Variants in CSMD1 observed in about 807,000 individuals in gnomAD.
The protein encoded by CSMD1 is CUB and sushi domain-containing protein 1.
Under a neutral mutation model 417.5 loss-of-function variants are expected in CSMD1, and 213 were observed. The observed-to-expected ratio is 0.51, with a 90% CI of 0.46 to 0.57. The LOEUF (loss-of-function observed/expected upper bound fraction) is 0.57, where lower values mean the gene tolerates loss of function less well. CSMD1 is among the 20% of genes least tolerant of loss of function. The pLI is 0.00. For missense variants in CSMD1, 6,923 were observed against 4,529.7 expected (o/e 1.53, Z -15.17); for synonymous variants, 2,862 against 1,736.8 (o/e 1.65, Z -16.11).
intron 2 of CSMD1, among the ~76,000 whole-genome samples, chr8:4,423,499 C>G (rs1043777315): frequency 6.6e-6 from 1 of 151,806 alleles, no homozygotes; most frequent in African/African-American, 2.4e-5. Flanking sequence ...ATAAGATAAG[C>G]CCAACAGTGT....
intron 23 of CSMD1, among the ~76,000 whole-genome samples, chr8:3,333,246 C>T (rs1369440945): frequency 6.6e-6 from 1 of 152,184 alleles, no homozygotes. Context: ...CCCAGCCAAG[C>T]CGTGTCTGGG....
chr8:3,848,938 G>A (rs1010851630), intron 5 of CSMD1, among the ~76,000 whole-genome samples: 2 of 150,278 alleles, frequency 1.3e-5, no homozygotes, highest in African/African-American at 4.9e-5. Flanking sequence ...ATATATATAT[G>A]ATATATATAT....
intron 3 of CSMD1, among the ~76,000 whole-genome samples, chr8:4,410,281 A>T (rs922038275): frequency 6.6e-6 from 1 of 152,304 alleles, no homozygotes; most frequent in East Asian, 1.9e-4. Flanking sequence ...TCATTTCACA[A>T]GGGAAAACAA....
intron 10 of CSMD1, among the ~76,000 whole-genome samples, chr8:3,500,226 A>T (rs898395636): frequency 1.3e-5 from 2 of 152,128 alleles, no homozygotes; most frequent in Non-Finnish European, 2.9e-5. Flanking sequence ...TAGACACTGC[A>T]CTTGACATGT....
intron 3 of CSMD1, among the ~76,000 whole-genome samples, chr8:4,107,240 G>C (rs1315025169): frequency 6.6e-6 from 1 of 152,170 alleles, no homozygotes; most frequent in Non-Finnish European, 1.5e-5. Context: ...GCGCCAGAAT[G>C]GAAACCCAGT....
chr8:4,773,550 C>A (rs1032935345), intron 1 of CSMD1, among the ~76,000 whole-genome samples: 22 of 152,140 alleles, frequency 1.4e-4, no homozygotes, highest in Admixed American at 1.3e-3. Context: ...AAGAAAGTTA[C>A]TTTTACTTTC....
At chr8:4,900,729 G>C (rs1048192855) in intron 1 of CSMD1, among the ~76,000 whole-genome samples, 2 of 152,138 alleles carry the variant, frequency 1.3e-5, no homozygotes, top group East Asian at 3.9e-4. Flanking sequence ...TCCACTCACG[G>C]AGTTAACTTA....
chr8:3,659,577 A>G (rs960017841), intron 7 of CSMD1, among the ~76,000 whole-genome samples: 1 of 152,204 alleles, frequency 6.6e-6, no homozygotes, highest in African/African-American at 2.4e-5. Context: ...ATTAGCAAAA[A>G]TGATTCAACT....
chr8:4,080,573 A>T (rs1024131855), intron 3 of CSMD1, among the ~76,000 whole-genome samples: 5 of 152,206 alleles, frequency 3.3e-5, no homozygotes, highest in African/African-American at 9.6e-5. Flanking sequence ...ACTGTATTGC[A>T]TATTTATGTA....
Position 3,396,209 on chromosome 8 carries a change from G to A in CSMD1, c.2578C>T (p.Leu860Phe), listed in dbSNP as rs369497428. ...TGCAACTCACTCTCATAGTGGATGA[G>A]GAAGCCGATGCTGGAGCGGCTGTTG... ...TDNSRSSIGF[L>F]IHYESVTLES... Residue 860 changes from leucine (L) to phenylalanine (F), a missense_variant, in exon 17 of 70, where the codon CTC (leucine) becomes TTC (phenylalanine). Leu to Phe is a conservative substitution (Grantham distance 22). Coordinates refer to ENST00000635120, the MANE Select transcript of CSMD1 (RefSeq NM_033225.6). 3.8e-6 allele frequency: 6 copies of A among 1,562,454 alleles called. No individual in the cohort carries two copies. Among genetic ancestry groups the A allele is most frequent in the Non-Finnish European group, 4.3e-6 (5 of 1,153,360 alleles).
intron 1 of CSMD1, among the ~76,000 whole-genome samples, chr8:4,745,534 G>C (rs192418855): frequency 1.3e-5 from 2 of 152,122 alleles, no homozygotes; most frequent in East Asian, 1.9e-4. Context: ...TCAGGCTTTT[G>C]TTTGTTCATC....
chr8:3,386,234 G>GCCCCC (rs1810995407), intron 18 of CSMD1, among the ~76,000 whole-genome samples: 1 of 152,192 alleles, frequency 6.6e-6, no homozygotes, highest in Non-Finnish European at 1.5e-5. Flanking sequence ...TTAGCAGAAA[G>GCCCCC]CACCTTCACC....
At chr8:4,648,325 G>A (rs1389265664) in intron 1 of CSMD1, among the ~76,000 whole-genome samples, 1 of 152,206 alleles carries the variant, frequency 6.6e-6, no homozygotes, top group East Asian at 1.9e-4. Context: ...CCACCTGTGA[G>A]TCACTTAGGA....
rs144309324 is a variant in CSMD1 at position 4,376,428 on chromosome 8, G to A, written c.415+43525C>T. Among the ~76,000 whole-genome samples the A allele has an allele frequency of 5.1e-3, 770 of 151,974 alleles. 3 individuals are homozygous for A. The highest frequency in any genetic ancestry group is 0.01 in the Middle Eastern group (3 of 294). On this transcript the variant is annotated intron_variant, in intron 3 of 69. Coordinates refer to ENST00000635120, the MANE Select transcript of CSMD1 (RefSeq NM_033225.6). ...CTCTTGTGCATATTTTTTTCTTTAC[G>A]TTTCAAAATATTTTCGGCTTATTCT...
intron 37 of CSMD1, among the ~76,000 whole-genome samples, chr8:3,179,461 T>A (rs1325495490): frequency 1.3e-5 from 2 of 152,196 alleles, no homozygotes; most frequent in Non-Finnish European, 1.5e-5. Flanking sequence ...TTCATCTGAA[T>A]GAGAAATATG....
chr8:3,261,523 A>C (rs892670165), intron 26 of CSMD1, among the ~76,000 whole-genome samples: 1 of 152,148 alleles, frequency 6.6e-6, no homozygotes, highest in Non-Finnish European at 1.5e-5. Flanking sequence ...AAATAAAATA[A>C]TTTTGAAAAG....
At position 4,605,810 on chromosome 8, in the gene CSMD1, G is replaced by C. The variant is rs150714945; in HGVS notation, c.302+31532C>G. Among the ~76,000 whole-genome samples the C allele has an allele frequency of 1.7e-3, 264 of 152,260 alleles. 1 individual carries two copies. The highest frequency in any genetic ancestry group is 3.6e-3 in the African/African-American group (149 of 41,542). On this transcript the variant is annotated intron_variant, in intron 2 of 69. Transcript: ENST00000635120. ...GTCCAATGCTCTCAAACACTGGCAG[G>C]TGAAACTTGATGGTGGACAAGGGTT...
At chr8:3,978,771 A>G (rs898567182) in intron 5 of CSMD1, among the ~76,000 whole-genome samples, 10 of 152,162 alleles carry the variant, frequency 6.6e-5, no homozygotes, top group Admixed American at 5.9e-4. Context: ...GACGGTGCTC[A>G]TGCTTTTAAG....
chr8:4,905,737 G>A (rs917593767), intron 1 of CSMD1, among the ~76,000 whole-genome samples: 14 of 148,338 alleles, frequency 9.4e-5, no homozygotes, highest in East Asian at 6.4e-4. Context: ...GGAGAATGGC[G>A]TGAAACCGGG....
Sources: allele counts gnomAD v4.1 joint callset (sites outside exome capture counted in the v4.1 genomes callset), GRCh38; gene constraint gnomAD v4.1.1; transcripts MANE v1.5; gene names NCBI Gene and HGNC (gene_info 2026-07-23, HGNC 2026-07-21).